The following DLGAP2 variants were observed in gnomAD, a reference collection of about 807,000 sequenced individuals.
DLGAP2 encodes disks large-associated protein 2.
In DLGAP2, 26 loss-of-function variants were observed where a neutral mutation model predicts 100.3. The ratio of observed to expected loss-of-function variants is 0.26; its 90% confidence interval spans 0.19 to 0.36. DLGAP2 has a LOEUF of 0.36. Ranked by LOEUF, DLGAP2 falls within the 10% of genes least tolerant of loss-of-function variation. DLGAP2 has a pLI of 1.00. For missense variants in DLGAP2, 1,858 were observed against 1,453.2 expected, an observed-to-expected ratio of 1.28 and a Z score of -4.53; for synonymous variants, 886 against 630.1, an observed-to-expected ratio of 1.41 and a Z score of -6.08.
intron 8 of DLGAP2, among the ~76,000 whole-genome samples, chr8:1,636,657 A>C (rs1278590954): frequency 6.6e-6 from 1 of 152,186 alleles, no homozygotes; most frequent in Non-Finnish European, 1.5e-5. Context: ...TGTCACAAAG[A>C]GTGGATTTTC....
At chr8:1,383,177 T>C (rs1452619342) in intron 3 of DLGAP2, among the ~76,000 whole-genome samples, 2 of 152,238 alleles carry the variant, frequency 1.3e-5, no homozygotes, top group Non-Finnish European at 2.9e-5. Flanking sequence ...TTGTCAGGTA[T>C]ATTCATTAAT....
intron 2 of DLGAP2, among the ~76,000 whole-genome samples, chr8:1,023,381 G>T (rs969690615): frequency 2.0e-5 from 3 of 152,112 alleles, no homozygotes; most frequent in African/African-American, 4.8e-5. Context: ...TTGATGGATT[G>T]ATGAGGTCTT....
At chr8:816,907 A>C (rs1698326623) in intron 1 of DLGAP2, among the ~76,000 whole-genome samples, 1 of 152,220 alleles carries the variant, frequency 6.6e-6, no homozygotes, top group Non-Finnish European at 1.5e-5. Flanking sequence ...GGCTTTGTTC[A>C]TATTGAGTGG....
Position 1,588,511 on chromosome 8 carries a change from T to C in DLGAP2, c.1442+22617T>C, listed in dbSNP as rs184714411. ...GTATGATGCCTAATTTATGAATTTTTTCATTTATTCATTCGGTAAGTAAAT... is the reference window on the plus strand; with the variant it reads ...GTATGATGCCTAATTTATGAATTTTCTCATTTATTCATTCGGTAAGTAAAT... On this transcript the variant is annotated intron_variant, in intron 6 of 14. Coordinates refer to ENST00000637795, the MANE Select transcript of DLGAP2 (RefSeq NM_001346810.2). Among the ~76,000 whole-genome samples, 127 of 152,318 alleles carry C rather than the reference T, an allele frequency of 8.3e-4. 1 individual carries two copies. Among genetic ancestry groups the C allele is most frequent in the Admixed American group, 2.3e-3 (35 of 15,296 alleles).
chr8:1,317,830 C>A (rs74922103), intron 3 of DLGAP2, among the ~76,000 whole-genome samples: 21 of 122,572 alleles, frequency 1.7e-4, no homozygotes, highest in South Asian at 2.7e-4. Flanking sequence ...GCGTCTCTCC[C>A]ACAGTGGTCT....
chr8:907,378 C>T (rs1798402246), intron 1 of DLGAP2, among the ~76,000 whole-genome samples: 3 of 152,172 alleles, frequency 2.0e-5, no homozygotes, highest in Non-Finnish European at 2.9e-5. Context: ...GTTATTTTCA[C>T]CTCTCCTTCA....
At chr8:1,487,440 A>G (rs1170734909) in intron 3 of DLGAP2, among the ~76,000 whole-genome samples, 1 of 152,248 alleles carries the variant, frequency 6.6e-6, no homozygotes, top group Non-Finnish European at 1.5e-5. Context: ...TATATTGGCT[A>G]TGAAATATTC....
At position 1,518,106 on chromosome 8, in the gene DLGAP2, T is replaced by A. The variant is rs556021496; in HGVS notation, c.172+16675T>A. On this transcript the variant is annotated intron_variant, in intron 4 of 14. Coordinates refer to ENST00000637795, the MANE Select transcript of DLGAP2 (RefSeq NM_001346810.2). ...TCTGGTGCATCTCAGACAGCCCTTA[T>A]TTGGAACAGTCTGTGGGCATGTCTA... Among the ~76,000 whole-genome samples, 177 of 152,358 alleles carry A rather than the reference T, an allele frequency of 1.2e-3. 1 individual carries two copies. Among genetic ancestry groups the A allele is most frequent in the African/African-American group, 4.0e-3 (168 of 41,586 alleles).
intron 8 of DLGAP2, among the ~76,000 whole-genome samples, chr8:1,657,539 G>T (rs1798311980): frequency 6.6e-6 from 1 of 152,140 alleles, no homozygotes; most frequent in African/African-American, 2.4e-5. Context: ...TGATCATTTT[G>T]AATTCTTTCT....
At chr8:1,442,998 T>A (rs973793969) in intron 3 of DLGAP2, among the ~76,000 whole-genome samples, 2 of 152,282 alleles carry the variant, frequency 1.3e-5, no homozygotes, top group Non-Finnish European at 2.9e-5. Context: ...CTCTTGTAGT[T>A]AAGATTTTAA....
chr8:1,181,701 G>T (rs564915778), intron 2 of DLGAP2, among the ~76,000 whole-genome samples: 2 of 152,216 alleles, frequency 1.3e-5, no homozygotes, highest in African/African-American at 4.8e-5. Context: ...AATAAGAAAT[G>T]AACAAACGAT....
chr8:1,180,749 G>A (rs968975258), intron 2 of DLGAP2, among the ~76,000 whole-genome samples: 1 of 151,222 alleles, frequency 6.6e-6, no homozygotes, highest in Admixed American at 6.6e-5. Context: ...GTCTGTGTGG[G>A]TGTGCCAGGG....
In DLGAP2 at chr8:1,133,229, A is replaced by C. The variant is rs547938863; in HGVS notation, c.74-125622A>C. Among the ~76,000 whole-genome samples, 7 of 152,324 alleles carry C rather than the reference A, an allele frequency of 4.6e-5. No individual in the cohort carries two copies. The East Asian group carries it at 1.2e-3, about 25-fold the overall frequency. ...GCCAGATACCTGGCATTTTTCTGAAAAGAACTTTGGAATTTTCCTTTACTT... is the reference window on the plus strand; with the variant it reads ...GCCAGATACCTGGCATTTTTCTGAACAGAACTTTGGAATTTTCCTTTACTT... On this transcript the variant is annotated intron_variant, in intron 2 of 14. Transcript: ENST00000637795.
intron 3 of DLGAP2, among the ~76,000 whole-genome samples, chr8:1,363,982 G>A (rs1206931514): frequency 2.6e-5 from 4 of 152,184 alleles, no homozygotes; most frequent in Admixed American, 6.5e-5. Flanking sequence ...TGCCTCCCCA[G>A]CCCCTCATCC....
At chr8:825,691 T>C (rs538554455) in intron 1 of DLGAP2, among the ~76,000 whole-genome samples, 1 of 152,376 alleles carries the variant, frequency 6.6e-6, no homozygotes, top group African/African-American at 2.4e-5. Flanking sequence ...TGATTTTCTT[T>C]TTTAAAAATT....
At chr8:1,036,132 C>T (rs1429414738) in intron 2 of DLGAP2, among the ~76,000 whole-genome samples, 7 of 147,366 alleles carry the variant, frequency 4.8e-5, no homozygotes, top group Admixed American at 6.7e-5. Context: ...ACGCTCATCC[C>T]GACCCCGCGT....
At chr8:1,267,576 AATAAAATAAAATAAGATAAGATAAG>A (rs1799484070) in intron 3 of DLGAP2, among the ~76,000 whole-genome samples, 1 of 55,926 alleles carries the variant, frequency 1.8e-5, no homozygotes, top group African/African-American at 8.6e-5. Flanking sequence ...AATAAAATAA[AATAAAATAAAATAAGATAAGATAAG>A]ATAAGATAAG....
chr8:1,511,086 A>G (rs1011624044), intron 4 of DLGAP2, among the ~76,000 whole-genome samples: 1 of 152,258 alleles, frequency 6.6e-6, no homozygotes, highest in Non-Finnish European at 1.5e-5. Context: ...AAGCATCGTC[A>G]TTTTCACCAC....
chr8:1,287,214 TG>T (rs1799943913), intron 3 of DLGAP2, among the ~76,000 whole-genome samples: 1 of 146,230 alleles, frequency 6.8e-6, no homozygotes, highest in Admixed American at 6.8e-5. Flanking sequence ...AGTGTGTGTG[TG>T]TGTGTGTGTG....
Sources: gnomAD v4.1 joint callset for allele counts (sites outside exome capture counted in the v4.1 genomes callset) on GRCh38, gnomAD v4.1.1 for gene constraint, MANE v1.5 for transcripts, NCBI Gene and HGNC (gene_info 2026-07-23, HGNC 2026-07-21) for gene names.